The following SLCO3A1 variants were observed in gnomAD, a reference collection of about 807,000 sequenced individuals.
SLCO3A1 encodes PGE1 transporter.
SLCO3A1 carries 27 observed loss-of-function variants against 63.1 expected under a neutral mutation model. That is an observed-to-expected ratio of 0.43 (90% CI 0.32 to 0.59). The LOEUF (loss-of-function observed/expected upper bound fraction) is 0.59. SLCO3A1 is among the 20% of genes least tolerant of loss of function. SLCO3A1 has a pLI of 0.09. For missense variants in SLCO3A1, 773 were observed against 945.8 expected (o/e 0.82, Z 2.40); for synonymous variants, 473 against 409.9 (o/e 1.15, Z -1.86).
chr15:92,024,483 G>C (rs755992471), intron 2 of SLCO3A1, among the ~76,000 whole-genome samples: 5 of 152,170 alleles, frequency 3.3e-5, no homozygotes, highest in African/African-American at 7.2e-5. Context: ...TATTTAAGTG[G>C]AATTTATGCT....
chr15:91,959,451 T>C (rs1397921673), intron 2 of SLCO3A1, among the ~76,000 whole-genome samples: 2 of 151,824 alleles, frequency 1.3e-5, no homozygotes, highest in African/African-American at 4.8e-5. Context: ...AATTATAGGC[T>C]GGGCACGGTG....
At chr15:92,158,813 C>T (rs1429609207) in intron 9 of SLCO3A1, among the ~76,000 whole-genome samples, 3 of 152,150 alleles carry the variant, frequency 2.0e-5, no homozygotes, top group African/African-American at 7.2e-5. Flanking sequence ...CAGTTTAGGG[C>T]CTGATAGCTA....
Position 91,875,702 on chromosome 15 carries a change from T to A in SLCO3A1, c.180+21614T>A, listed in dbSNP as rs1897383071. ...TAACTCACAATAGAGAAACACAGGA[T>A]GACTGAAAATCAGGTAATAAACATG... is the stretch of plus-strand genomic sequence containing the variant. On this transcript the variant is annotated intron_variant, in intron 1 of 9. Transcript: ENST00000318445. This position sits in a 1 kb window ranked among gnomAD's most constrained non-coding sequence, Gnocchi z 4.5. Among the ~76,000 whole-genome samples the A allele has an allele frequency of 6.6e-6, 1 of 152,334 alleles. No individual in the cohort carries two copies. Among genetic ancestry groups the A allele is most frequent in the South Asian group, 2.1e-4 (1 of 4,834 alleles).
At chr15:91,909,203 A>G (rs1597110755) in intron 1 of SLCO3A1, among the ~76,000 whole-genome samples, 1 of 152,336 alleles carries the variant, frequency 6.6e-6, no homozygotes, top group East Asian at 1.9e-4. Context: ...AGGCACGGGA[A>G]TAGTGTGATT....
At chr15:92,021,706 C>T (rs2046511396) in intron 2 of SLCO3A1, among the ~76,000 whole-genome samples, 1 of 152,304 alleles carries the variant, frequency 6.6e-6, no homozygotes, top group South Asian at 2.1e-4. Context: ...ATGAATAAGA[C>T]ACAGCCCTAC....
chr15:92,161,198 G>C (rs1422971440), intron 9 of SLCO3A1, among the ~76,000 whole-genome samples: 1 of 152,178 alleles, frequency 6.6e-6, no homozygotes, highest in Non-Finnish European at 1.5e-5. Context: ...GCCTCAAGGG[G>C]ACAGTTTTTT....
At chr15:91,868,551 T>G (rs1897223356) in intron 1 of SLCO3A1, among the ~76,000 whole-genome samples, 1 of 152,158 alleles carries the variant, frequency 6.6e-6, no homozygotes, top group East Asian at 1.9e-4. Context: ...CTACCTGCAT[T>G]GATGCGTGAC....
intron 2 of SLCO3A1, among the ~76,000 whole-genome samples, chr15:92,046,062 A>G (rs1285296482): frequency 6.6e-6 from 1 of 152,146 alleles, no homozygotes; most frequent in East Asian, 1.9e-4. Flanking sequence ...AGATCCTCCT[A>G]GGTGTCTGAT....
chr15:92,008,884 C>T (rs536000960), intron 2 of SLCO3A1, among the ~76,000 whole-genome samples: 13 of 152,268 alleles, frequency 8.5e-5, no homozygotes, highest in South Asian at 2.1e-4. Context: ...AAAGGCAGAT[C>T]AACGCCCTGT....
chr15:91,928,676 G>A (rs1899117979), intron 2 of SLCO3A1, among the ~76,000 whole-genome samples: 1 of 152,340 alleles, frequency 6.6e-6, no homozygotes, highest in Non-Finnish European at 1.5e-5. Context: ...GAAATGGTGA[G>A]GCGTTTCTAG....
At chr15:92,157,492 ATTT>A (rs201261449) in intron 9 of SLCO3A1, among the ~76,000 whole-genome samples, 2 of 141,306 alleles carry the variant, frequency 1.4e-5, no homozygotes, top group Non-Finnish European at 3.1e-5. Context: ...ATGTGGAGAA[ATTT>A]TTTTTTTTTT....
chr15:92,081,687 T>C (rs2047348505), intron 2 of SLCO3A1, among the ~76,000 whole-genome samples: 1 of 152,152 alleles, frequency 6.6e-6, no homozygotes, highest in Non-Finnish European at 1.5e-5. Context: ...TGCTTTTTAA[T>C]GAGAAAGTCT....
rs1483697096 is a variant in SLCO3A1, at chr15:91,900,244, A to G, written c.181-15749A>G. Among the ~76,000 whole-genome samples, 1 of 152,186 alleles carries G rather than the reference A, an allele frequency of 6.6e-6. No homozygotes were observed. Among genetic ancestry groups the G allele is most frequent in the African/African-American group, 2.4e-5 (1 of 41,446 alleles). On this transcript the variant is annotated intron_variant, in intron 1 of 9. Transcript: ENST00000318445. The surrounding 1 kb of genome is among the most constrained non-coding windows in gnomAD (Gnocchi z 4.3). ...ACTGCTTTTCAAAGTGGCTATAACC[A>G]TTTTATCTTTTATGTTCCCACTAGC...
Position 91,880,397 on chromosome 15 carries a change from C to CTGTG in SLCO3A1, c.180+26310_180+26311insGTGT, listed in dbSNP as rs747889224. On this transcript the variant is annotated intron_variant, in intron 1 of 9. Transcript: ENST00000318445. ...CACTCGTGCTTCTCTCTCTCTCTCT[C>CTGTG]TCTCTCTCTCTCTGTGTGTGTGTGT... 2.5e-3 allele frequency among the ~76,000 whole-genome samples: 232 copies of CTGTG among 94,206 alleles called. 1 individual carries two copies. The highest frequency in any genetic ancestry group is 0.015 in the South Asian group (29 of 1,888). The allele number at this position is 94,206 out of a possible 152,430, so 61.8% of individuals were successfully genotyped here. A position where few individuals can be genotyped will look rare whatever the true frequency, so the allele number is the denominator to read the frequency against.
rs1896855836 is a variant in SLCO3A1, at chr15:91,854,335, G to C, written c.180+247G>C. On this transcript the variant is annotated intron_variant, in intron 1 of 9. Coordinates refer to ENST00000318445, the MANE Select transcript of SLCO3A1 (RefSeq NM_013272.4). This position sits in a 1 kb window ranked among gnomAD's most constrained non-coding sequence, Gnocchi z 6.4. ...TCGCGCGCGTCCGGCTGGGGCAGGG[G>C]GTGCCGGGGGAGGAGAGGCGGCGGG... 2 of 1,134,630 alleles carry C rather than the reference G, an allele frequency of 1.8e-6. No individual in the cohort carries two copies. Among genetic ancestry groups the C allele is most frequent in the Non-Finnish European group, 2.2e-6 (2 of 924,910 alleles). The allele number at this position is 1,134,630 out of a possible 1,614,324, so 70.3% of individuals were successfully genotyped here.
chr15:92,145,495 G>A (rs576701210), intron 7 of SLCO3A1, among the ~76,000 whole-genome samples: 7 of 152,124 alleles, frequency 4.6e-5, no homozygotes, highest in South Asian at 2.1e-4. Flanking sequence ...GTCTTGTCCC[G>A]AGGTTCTTGT....
Position 92,094,963 on chromosome 15 carries a change from G to C in SLCO3A1, c.729G>C (p.Ala243=), listed in dbSNP as rs2286355. The C allele has an allele frequency of 6.2e-7, 1 of 1,607,812 alleles. No homozygotes were observed. The highest frequency in any genetic ancestry group is 8.5e-7 in the Non-Finnish European group (1 of 1,174,452). The change falls in exon 3 of 10, where the codon GCG becomes GCC. Residue 243 remains alanine (A), a synonymous_variant. Transcript: ENST00000318445. The stretch of plus-strand genomic sequence containing the variant: ...TCTGTACCAAAATCTACGTGGATGC[G>C]GTCTTCATTGACACAAGTAAGGAAT... ...GSFCTKIYVD[A]VFIDTSNLDI...
At chr15:92,018,049 A>T (rs1019239650) in intron 2 of SLCO3A1, among the ~76,000 whole-genome samples, 46 of 152,164 alleles carry the variant, frequency 3.0e-4, no homozygotes, top group Non-Finnish European at 6.6e-4. Flanking sequence ...CAGAGATGGA[A>T]CGCAGAAGGT....
chr15:92,058,284 T>C (rs2047045433), intron 2 of SLCO3A1, among the ~76,000 whole-genome samples: 2 of 152,138 alleles, frequency 1.3e-5, no homozygotes, highest in African/African-American at 4.8e-5. Context: ...CAGTGCCCTT[T>C]CTGCTATTTA....
Sources: allele counts gnomAD v4.1 joint callset (sites outside exome capture counted in the v4.1 genomes callset), GRCh38; gene constraint gnomAD v4.1.1; non-coding constraint Gnocchi (gnomAD v3.1); transcripts MANE v1.5; gene names NCBI Gene and HGNC (gene_info 2026-07-23, HGNC 2026-07-21).